Variants in CPEB3 observed in about 807,000 individuals in gnomAD.
The protein encoded by CPEB3 is cytoplasmic polyadenylation element binding protein 3.
CPEB3 carries 20 observed loss-of-function variants against 67.2 expected under a neutral mutation model. That is an observed-to-expected ratio of 0.30 (90% CI 0.21 to 0.43). The LOEUF is 0.43. CPEB3 is among the 20% of genes least tolerant of loss of function. The probability of loss-of-function intolerance (pLI) is 1.00; values close to 1 mark genes in which losing one functional copy is unlikely to be tolerated. For missense variants in CPEB3, 746 were observed against 968.6 expected (o/e 0.77, Z 3.05); for synonymous variants, 376 against 393.1 (o/e 0.96, Z 0.51).
intron 2 of CPEB3, among the ~76,000 whole-genome samples, chr10:92,237,429 T>C (rs1293085650): frequency 1.3e-5 from 2 of 152,228 alleles, no homozygotes; most frequent in Admixed American, 6.5e-5. Flanking sequence ...TTGGCTCTTA[T>C]TAGCATCATT....
At position 92,131,802 on chromosome 10, in the gene CPEB3, G is replaced by A. The variant is rs899645941; in HGVS notation, c.1453+11227C>T. Among the ~76,000 whole-genome samples, 13 of 152,252 alleles carry A rather than the reference G, an allele frequency of 8.5e-5. No individual in the cohort carries two copies. In the East Asian group the frequency reaches 1.7e-3, roughly 20 times the overall value. On this transcript the variant is annotated intron_variant, in intron 6 of 9. Transcript: ENST00000265997. Reference sequence around the variant, plus strand: ...ATACGTTTTCTGTAAAGAGATGTGTGTGCCACATATAATTCCTTAAAGATG... The same window carrying A: ...ATACGTTTTCTGTAAAGAGATGTGTATGCCACATATAATTCCTTAAAGATG...
chr10:92,168,091 T>G (rs1165855046), intron 4 of CPEB3, among the ~76,000 whole-genome samples: 2 of 152,132 alleles, frequency 1.3e-5, no homozygotes, highest in African/African-American at 4.8e-5. Flanking sequence ...AACTTGGAAT[T>G]TATAAAAAAC....
rs1004740346 is a variant in CPEB3, at chr10:92,190,536, A to G, written c.1165+1941T>C. ...CAAAATTAGCTGGGTGTAGTGGCAC[A>G]TGCCTGTAAACCCAGCTACTCAGGA... is the stretch of plus-strand genomic sequence containing the variant. On this transcript the variant is annotated intron_variant, in intron 3 of 9. Coordinates refer to ENST00000265997, the MANE Select transcript of CPEB3 (RefSeq NM_014912.5). 2.0e-4 allele frequency among the ~76,000 whole-genome samples: 30 copies of G among 149,630 alleles called. 1 individual carries two copies. The highest frequency in any genetic ancestry group is 3.6e-3 in the Middle Eastern group (1 of 274).
chr10:92,131,580 T>C (rs1289199557), intron 6 of CPEB3, among the ~76,000 whole-genome samples: 2 of 152,220 alleles, frequency 1.3e-5, no homozygotes, highest in Non-Finnish European at 2.9e-5. Context: ...TGATGACTTA[T>C]TCTGTCTTAC....
chr10:92,080,376 C>T (rs567850866), intron 9 of CPEB3, among the ~76,000 whole-genome samples: 4 of 152,230 alleles, frequency 2.6e-5, no homozygotes, highest in African/African-American at 2.4e-5. Flanking sequence ...CTATTAAGTA[C>T]ACCAACTGCC....
chr10:92,223,747 T>TA (rs1428983225), intron 2 of CPEB3, among the ~76,000 whole-genome samples: 24 of 136,232 alleles, frequency 1.8e-4, no homozygotes, highest in Admixed American at 5.2e-4. Flanking sequence ...TTAATTTTTG[T>TA]AATTTTTTTT....
intron 4 of CPEB3, among the ~76,000 whole-genome samples, chr10:92,153,722 A>T (rs561228126): frequency 3.3e-5 from 5 of 152,340 alleles, no homozygotes; most frequent in African/African-American, 1.2e-4. Flanking sequence ...CGGAGGCTGC[A>T]GTGAGCCAAG....
intron 6 of CPEB3, among the ~76,000 whole-genome samples, chr10:92,130,850 G>A (rs978675618): frequency 6.6e-6 from 1 of 152,000 alleles, no homozygotes; most frequent in Non-Finnish European, 1.5e-5. Flanking sequence ...AATAGTGGAT[G>A]GTTCATGTTT....
At chr10:92,275,473 T>C (rs1841936076) in intron 1 of CPEB3, among the ~76,000 whole-genome samples, 1 of 152,210 alleles carries the variant, frequency 6.6e-6, no homozygotes, top group Non-Finnish European at 1.5e-5. Context: ...TCATAAATTA[T>C]TGAGTAGTAA....
chr10:92,232,377 C>T (rs899372509), intron 2 of CPEB3, among the ~76,000 whole-genome samples: 1 of 151,740 alleles, frequency 6.6e-6, no homozygotes, highest in African/African-American at 2.4e-5. Flanking sequence ...TCTTTTGATA[C>T]CTGCAGATCA....
intron 2 of CPEB3, among the ~76,000 whole-genome samples, chr10:92,220,558 C>A (rs1391566564): frequency 6.7e-6 from 1 of 148,772 alleles, no homozygotes; most frequent in African/African-American, 2.5e-5. Context: ...CCTGGTAAAC[C>A]TACACCTTAA....
chr10:92,115,669 T>C (rs2133545326), intron 6 of CPEB3, among the ~76,000 whole-genome samples: 1 of 152,324 alleles, frequency 6.6e-6, no homozygotes, highest in Admixed American at 6.5e-5. Context: ...AAATTCTACA[T>C]TGTTAATATA....
intron 8 of CPEB3, among the ~76,000 whole-genome samples, chr10:92,088,383 T>C (rs1843468292): frequency 1.3e-5 from 2 of 152,060 alleles, no homozygotes; most frequent in Admixed American, 6.6e-5. Flanking sequence ...TGTGCCATCA[T>C]GCCTGGCTAA....
chr10:92,102,186 T>C (rs1177552529), intron 7 of CPEB3, among the ~76,000 whole-genome samples: 1 of 152,014 alleles, frequency 6.6e-6, no homozygotes, highest in African/African-American at 2.4e-5. Context: ...CTTCTGGGGG[T>C]AGTGGAGAGA....
At chr10:92,161,766 C>T (rs1418354949) in intron 4 of CPEB3, among the ~76,000 whole-genome samples, 2 of 152,172 alleles carry the variant, frequency 1.3e-5, no homozygotes, top group Non-Finnish European at 2.9e-5. Flanking sequence ...CCGGTACAAG[C>T]GATTCTTCTG....
At chr10:92,060,068 A>C (rs1842280357) in intron 9 of CPEB3, among the ~76,000 whole-genome samples, 1 of 152,138 alleles carries the variant, frequency 6.6e-6, no homozygotes, top group Admixed American at 6.5e-5. Flanking sequence ...TCATGATAAA[A>C]ACCCTCAGCT....
intron 4 of CPEB3, among the ~76,000 whole-genome samples, chr10:92,172,765 T>C (rs1848064832): frequency 6.6e-6 from 1 of 152,130 alleles, no homozygotes; most frequent in Non-Finnish European, 1.5e-5. Flanking sequence ...GATAAGAAAA[T>C]AGTCCTGGGG....
chr10:92,239,235 C>T lies in CPEB3; in HGVS notation c.1005+111G>A. On this transcript the variant is annotated intron_variant, in intron 2 of 9. Coordinates refer to ENST00000265997, the MANE Select transcript of CPEB3 (RefSeq NM_014912.5). The surrounding 1 kb of genome is among the most constrained non-coding windows in gnomAD (Gnocchi z 6.0). ...GAGGCTTCGGAAGGGGAAAGAGGAG[C>T]TGGACATTGCTGCCCTTTTTAAATA... 2 of 1,203,230 alleles carry T rather than the reference C, an allele frequency of 1.7e-6. No homozygotes were observed. The highest frequency in any genetic ancestry group is 2.9e-5 in the South Asian group (2 of 68,522). The allele number at this position is 1,203,230 out of a possible 1,614,324, so 74.5% of individuals were successfully genotyped here. A position where few individuals can be genotyped will look rare whatever the true frequency, so the allele number is the denominator to read the frequency against.
chr10:92,286,429 A>G (rs1842528048), intron 1 of CPEB3, among the ~76,000 whole-genome samples: 1 of 151,774 alleles, frequency 6.6e-6, no homozygotes, highest in Non-Finnish European at 1.5e-5. Flanking sequence ...TACTAAAAAT[A>G]CAAAAATTAG....
Sources: allele counts gnomAD v4.1 joint callset (sites outside exome capture counted in the v4.1 genomes callset), GRCh38; gene constraint gnomAD v4.1.1; non-coding constraint Gnocchi (gnomAD v3.1); transcripts MANE v1.5; gene names NCBI Gene and HGNC (gene_info 2026-07-23, HGNC 2026-07-21).